Variants in XRCC4 observed in about 807,000 individuals in gnomAD.
The protein encoded by XRCC4 is DNA repair protein XRCC4.
XRCC4 carries 28 observed loss-of-function variants against 39.1 expected under a neutral mutation model. The ratio of observed to expected loss-of-function variants is 0.72; its 90% confidence interval spans 0.53 to 0.98. The LOEUF (loss-of-function observed/expected upper bound fraction) is 0.98, where lower values mean the gene tolerates loss of function less well. XRCC4 is among the 50% of genes least tolerant of loss of function. XRCC4 has a pLI of 0.00. For synonymous variants in XRCC4, 123 were observed against 126.4 expected, an observed-to-expected ratio of 0.97 and a Z score of 0.18; for missense variants, 350 against 376.4, an observed-to-expected ratio of 0.93 and a Z score of 0.58.
At chr5:83,357,171 T>C (rs1757199160), downstream of XRCC4, among the ~76,000 whole-genome samples, 1 of 152,206 alleles carries the variant, frequency 6.6e-6, no homozygotes, top group Non-Finnish European at 1.5e-5. Flanking sequence ...ATCGATCCTT[T>C]CAACAAATAT....
At chr5:83,115,807 A>G (rs1746681929) in intron 3 of XRCC4, among the ~76,000 whole-genome samples, 1 of 152,226 alleles carries the variant, frequency 6.6e-6, no homozygotes, top group Non-Finnish European at 1.5e-5. Context: ...AAAGCACTAC[A>G]TTGCAGTCTA....
chr5:83,161,706 C>G (rs186251935), intron 3 of XRCC4, among the ~76,000 whole-genome samples: 8 of 152,274 alleles, frequency 5.3e-5, no homozygotes, highest in Non-Finnish European at 7.4e-5. Flanking sequence ...CTTCAATCAA[C>G]ATATTTGTTC....
At chr5:83,119,107 A>G (rs1746875849) in intron 3 of XRCC4, among the ~76,000 whole-genome samples, 1 of 152,220 alleles carries the variant, frequency 6.6e-6, no homozygotes, top group African/African-American at 2.4e-5. Flanking sequence ...ATAAACATCC[A>G]GAGTTCTTTT....
At chr5:83,200,916 A>G (rs561240304) in intron 4 of XRCC4, among the ~76,000 whole-genome samples, 9 of 152,306 alleles carry the variant, frequency 5.9e-5, no homozygotes, top group Non-Finnish European at 1.0e-4. Context: ...AAATGTAGTG[A>G]CATGTCTTTG....
rs573815985 is a variant in XRCC4, at chr5:83,311,842, T to C, written c.894-41289T>C. 8.5e-5 allele frequency among the ~76,000 whole-genome samples: 13 copies of C among 152,210 alleles called. No homozygotes were observed. The South Asian group carries it at 2.5e-3, about 29-fold the overall frequency. The stretch of plus-strand genomic sequence containing the variant: ...TTTCTTCTTTATAATAAAGGCTATT[T>C]ATTAAATATTCAATATAATATCAAT... On this transcript the variant is annotated intron_variant, in intron 7 of 7. Transcript: ENST00000396027.
intron 6 of XRCC4, among the ~76,000 whole-genome samples, chr5:83,227,202 T>A (rs1752323051): frequency 6.6e-6 from 1 of 152,154 alleles, no homozygotes; most frequent in Non-Finnish European, 1.5e-5. Flanking sequence ...TGTGTAAATA[T>A]GTTTCTCTCC....
chr5:83,254,098 T>G (rs1753432613), intron 6 of XRCC4, among the ~76,000 whole-genome samples: 1 of 149,378 alleles, frequency 6.7e-6, no homozygotes, highest in Admixed American at 6.7e-5. Flanking sequence ...TTTTTTTCTT[T>G]TGTCTTCTAT....
At position 83,271,857 on chromosome 5, in the gene XRCC4, G is replaced by A. The variant is rs3777037; in HGVS notation, c.893+13180G>A. ...CCTTTCCCTAGCTGTTTGAGTTCCC[G>A]CTATCTTTCTATTATGTGAGCACTG... On this transcript the variant is annotated intron_variant, in intron 7 of 7. Transcript: ENST00000396027. Among the ~76,000 whole-genome samples, 8 of 152,076 alleles carry A rather than the reference G, an allele frequency of 5.3e-5. No homozygotes were observed. In the East Asian group the frequency reaches 7.7e-4, roughly 15 times the overall value.
chr5:83,100,151 A>G (rs74691911), intron 1 of XRCC4, among the ~76,000 whole-genome samples: 2,286 of 152,250 alleles, frequency 0.015, 53 homozygotes, highest in African/African-American at 0.051. Flanking sequence ...GTAGGATACT[A>G]TGTTGTCACT....
intron 3 of XRCC4, among the ~76,000 whole-genome samples, chr5:83,114,308 G>A (rs73142126): frequency 0.018 from 2,684 of 152,142 alleles, 70 homozygotes; most frequent in African/African-American, 0.062. Flanking sequence ...TATGCAGCAG[G>A]CTTGAATTTT....
chr5:83,218,062 T>TTTTATATATATA (rs1554065874), intron 6 of XRCC4, among the ~76,000 whole-genome samples: 2 of 147,542 alleles, frequency 1.4e-5, no homozygotes, highest in Non-Finnish European at 3.0e-5. Context: ...TTTACCTTTT[T>TTTTATATATATA]TATATATATA....
At chr5:83,175,258 G>A (rs970678666) in intron 3 of XRCC4, among the ~76,000 whole-genome samples, 6 of 152,114 alleles carry the variant, frequency 3.9e-5, no homozygotes, top group Non-Finnish European at 7.4e-5. Context: ...GGTGGTAGTG[G>A]TAGTAGAATA....
intron 3 of XRCC4, among the ~76,000 whole-genome samples, chr5:83,134,251 G>A (rs994417915): frequency 6.6e-6 from 1 of 152,158 alleles, no homozygotes; most frequent in Non-Finnish European, 1.5e-5. Context: ...GTGAGTGCCA[G>A]TGAGAGGTGA....
intron 3 of XRCC4, among the ~76,000 whole-genome samples, chr5:83,129,976 T>G (rs1747482121): frequency 6.6e-6 from 1 of 152,168 alleles, no homozygotes; most frequent in Non-Finnish European, 1.5e-5. Flanking sequence ...TCCTGCCTAA[T>G]TGCCCTGGCC....
intron 7 of XRCC4, among the ~76,000 whole-genome samples, chr5:83,318,349 G>C (rs1412347969): frequency 1.5e-5 from 2 of 132,404 alleles, no homozygotes; most frequent in Non-Finnish European, 3.0e-5. Context: ...TGGAAGTTCT[G>C]GCCAGGGCAA....
chr5:83,294,850 A>T (rs1241621769), intron 7 of XRCC4, among the ~76,000 whole-genome samples: 2 of 151,980 alleles, frequency 1.3e-5, no homozygotes, highest in African/African-American at 4.8e-5. Flanking sequence ...TCTAGTGCTC[A>T]CTTTTTAAAG....
intron 7 of XRCC4, among the ~76,000 whole-genome samples, chr5:83,276,028 C>T (rs889572018): frequency 2.6e-5 from 4 of 151,986 alleles, no homozygotes; most frequent in African/African-American, 9.7e-5. Context: ...ACAGACAGTC[C>T]CTGATTTACA....
chr5:83,112,833 T>G (rs1176286019), intron 3 of XRCC4, among the ~76,000 whole-genome samples: 1 of 152,142 alleles, frequency 6.6e-6, no homozygotes, highest in Non-Finnish European at 1.5e-5. Context: ...CATTCAGGAT[T>G]CAGTTACCTC....
chr5:83,119,650 C>T (rs1358689657), intron 3 of XRCC4, among the ~76,000 whole-genome samples: 1 of 151,498 alleles, frequency 6.6e-6, no homozygotes, highest in African/African-American at 2.4e-5. Context: ...CTTTTTTGTT[C>T]AGAAAAGGAA....
Sources: gnomAD v4.1 joint callset for allele counts (sites outside exome capture counted in the v4.1 genomes callset) on GRCh38, gnomAD v4.1.1 for gene constraint, MANE v1.5 for transcripts, NCBI Gene and HGNC (gene_info 2026-07-23, HGNC 2026-07-21) for gene names.